Variants in HIVEP2 observed in about 807,000 individuals in gnomAD.
HIVEP2 encodes HIVEP zinc finger 2.
A neutral mutation model predicts 180.7 loss-of-function variants in HIVEP2; 14 were observed. The ratio of observed to expected loss-of-function variants is 0.08; its 90% CI spans 0.05 to 0.12. HIVEP2 has a LOEUF of 0.12. Ranked by LOEUF, HIVEP2 falls within the 10% of genes least tolerant of loss-of-function variation. The pLI, the probability that HIVEP2 is intolerant of heterozygous loss-of-function variation, is 1.00. For synonymous variants in HIVEP2, 1,184 were observed against 1,136.4 expected, an observed-to-expected ratio of 1.04 and a Z score of -0.84; for missense variants, 2,579 against 3,008.5, an observed-to-expected ratio of 0.86 and a Z score of 3.34.
chr6:142,862,482 ATATAATCGATTATATGTAT>A (rs61728792), intron 1 of HIVEP2, among the ~76,000 whole-genome samples: 1 of 138,286 alleles, frequency 7.2e-6, no homozygotes, highest in African/African-American at 2.6e-5. Context: ...TTTATAATAC[ATATAATCGATTATATGTAT>A]CATATATTTT....
intron 2 of HIVEP2, among the ~76,000 whole-genome samples, chr6:142,819,060 A>C: frequency 1.3e-5 from 2 of 149,880 alleles, no homozygotes; most frequent in East Asian, 2.0e-4. Flanking sequence ...GAGGGCGGGA[A>C]GGAGGGAAGG....
chr6:142,800,056 T>C (rs1776368102), intron 2 of HIVEP2, among the ~76,000 whole-genome samples: 2 of 152,264 alleles, frequency 1.3e-5, no homozygotes, highest in South Asian at 4.1e-4. Context: ...GCAGCAAATA[T>C]TTTCCCTTTA....
chr6:142,883,202 G>C (rs1036656757), intron 1 of HIVEP2, among the ~76,000 whole-genome samples: 5 of 152,050 alleles, frequency 3.3e-5, no homozygotes, highest in South Asian at 4.2e-4. Flanking sequence ...AGAGAGAAAG[G>C]GGGGAAAAGC....
intron 4 of HIVEP2, 36 bp from the exon 5 acceptor site, chr6:142,775,161 C>G (rs1775665544): frequency 1.5e-6 from 1 of 649,462 alleles, no homozygotes; most frequent in African/African-American, 2.5e-5. Flanking sequence ...ATTGTCATAA[C>G]AGTTTCAAAT....
In HIVEP2 at chr6:142,862,815, T is replaced by C. The variant is rs1313753611; in HGVS notation, c.-640-25768A>G. Among the ~76,000 whole-genome samples the C allele has an allele frequency of 5.2e-5, 7 of 134,270 alleles. No homozygotes were observed. In the South Asian group the frequency reaches 1.4e-3, roughly 26 times the overall value. The allele number at this position is 134,270 out of a possible 152,430, so 88.1% of individuals were successfully genotyped here. ...ATATAATATATTTAGATATCATATATATTTTTATATAATATATAAATTATA... is the reference window on the plus strand; with the variant it reads ...ATATAATATATTTAGATATCATATACATTTTTATATAATATATAAATTATA... On this transcript the variant is annotated intron_variant, in intron 1 of 9. Transcript: ENST00000367603.
At chr6:142,942,243 A>G (rs1778196594) in intron 1 of HIVEP2, among the ~76,000 whole-genome samples, 1 of 152,176 alleles carries the variant, frequency 6.6e-6, no homozygotes, top group Non-Finnish European at 1.5e-5. Flanking sequence ...AACCCAATAC[A>G]GTGTACAACA....
In HIVEP2 at chr6:142,769,934, T is replaced by C. The variant is rs777472028; in HGVS notation, c.4805A>G (p.Lys1602Arg). The C allele has an allele frequency of 2.5e-6, 4 of 1,613,922 alleles. No homozygotes were observed. Among genetic ancestry groups the C allele is most frequent in the East Asian group, 4.5e-5 (2 of 44,896 alleles). The change falls in exon 5 of 10, where the codon AAG becomes AGG. Residue 1602 changes from lysine to arginine, a missense_variant. Around this residue, in one of 11 missense-constraint regions of HIVEP2, gnomAD observed 349 missense variants for 367.2 expected, o/e 0.95. Coordinates refer to ENST00000367603, the MANE Select transcript of HIVEP2 (RefSeq NM_006734.4). The stretch of plus-strand genomic sequence containing the variant: ...GCGGACCAGCATGCCAACAGGCCGC[T>C]TGTGGCCCTTCCCTTCCTCTTCCAG... ...GQLEEEGKGH[K>R]RPVGMLVRMA... is the part of the protein sequence containing the mutation.
In HIVEP2 at chr6:142,753,332, A is replaced by G. The variant is rs372955463; in HGVS notation, c.7116T>C (p.Phe2372=). 1.6e-4 allele frequency: 251 copies of G among 1,614,054 alleles called. 1 individual carries two copies. Among genetic ancestry groups the G allele is most frequent in the Non-Finnish European group, 1.9e-4 (219 of 1,180,028 alleles). ...LGSAHVSIRH[F]SRPEPGQPCT... is the part of the protein sequence containing the mutation. ...AGGGCTGACCTGGCTCAGGTCTACT[A>G]AAGTGTCTAATGCTAACATGTGCAC... The change falls in exon 10 of 10, where the codon TTT becomes TTC. Residue 2372 remains phenylalanine, a synonymous_variant. Coordinates refer to ENST00000367603, the MANE Select transcript of HIVEP2 (RefSeq NM_006734.4).
intron 5 of HIVEP2, 143 bp from the exon 6 acceptor site, chr6:142,768,679 C>G (rs1775437619): frequency 1.4e-6 from 1 of 699,836 alleles, no homozygotes. Flanking sequence ...ATAAGGACCA[C>G]TAGGGATAAA....
At chr6:142,896,729 C>G (rs1475204247) in intron 1 of HIVEP2, among the ~76,000 whole-genome samples, 1 of 151,976 alleles carries the variant, frequency 6.6e-6, no homozygotes, top group East Asian at 1.9e-4. Context: ...AGTAGTATAC[C>G]TCCTTCTGCC....
At chr6:142,839,847 A>C (rs1236539923) in intron 1 of HIVEP2, among the ~76,000 whole-genome samples, 1 of 152,092 alleles carries the variant, frequency 6.6e-6, no homozygotes, top group African/African-American at 2.4e-5. Context: ...TGACAATGAA[A>C]CTGAAGCCCA....
At chr6:142,777,149 C>A (rs1198764835) in intron 3 of HIVEP2, among the ~76,000 whole-genome samples, 2 of 152,082 alleles carry the variant, frequency 1.3e-5, no homozygotes, top group Non-Finnish European at 2.9e-5. Flanking sequence ...TACACATTGA[C>A]CTAGAAATTC....
intron 2 of HIVEP2, among the ~76,000 whole-genome samples, chr6:142,823,477 TCCAAAGCAGAGAA>T (rs1777097007): frequency 6.6e-6 from 1 of 152,166 alleles, no homozygotes; most frequent in Admixed American, 6.5e-5. Context: ...AGACATCATT[TCCAAAGCAGAGAA>T]GATTCAAGCA....
chr6:142,858,510 G>C (rs1390217306), intron 1 of HIVEP2, among the ~76,000 whole-genome samples: 3 of 152,190 alleles, frequency 2.0e-5, no homozygotes, highest in Admixed American at 2.0e-4. Context: ...TATTTCTTGA[G>C]AATAAATGCC....
intron 9 of HIVEP2, among the ~76,000 whole-genome samples, chr6:142,756,836 T>C (rs1284026490): frequency 1.3e-5 from 2 of 151,990 alleles, no homozygotes; most frequent in East Asian, 1.9e-4. Context: ...TATCTATCTA[T>C]CTATCCGTCC....
intron 1 of HIVEP2, among the ~76,000 whole-genome samples, chr6:142,866,927 T>C (rs1481574920): frequency 6.6e-6 from 1 of 152,170 alleles, no homozygotes; most frequent in Admixed American, 6.5e-5. Flanking sequence ...GCTATAATCT[T>C]CCAGTGGGAA....
At chr6:142,805,396 G>A (rs988270446) in intron 2 of HIVEP2, among the ~76,000 whole-genome samples, 20 of 145,228 alleles carry the variant, frequency 1.4e-4, no homozygotes, top group African/African-American at 4.9e-4. Flanking sequence ...AGAGTATCAT[G>A]GTAATAAGCC....
chr6:142,760,713 AAGG>A, intron 8 of HIVEP2, 46 bp from the exon 9 acceptor site: 1 of 1,349,674 alleles, frequency 7.4e-7, no homozygotes, highest in Non-Finnish European at 1.0e-6. Context: ...TCCAAATATC[AAGG>A]TTAGGATCTT....
At chr6:142,945,483 C>T (rs1156863717), upstream of HIVEP2, among the ~76,000 whole-genome samples, 2 of 152,128 alleles carry the variant, frequency 1.3e-5, no homozygotes, top group East Asian at 1.9e-4. This position sits in a 1 kb window ranked among gnomAD's most constrained non-coding sequence, Gnocchi z 5.5. Context: ...AGCGTCCAGG[C>T]CACTTACCGA....
Sources: gnomAD v4.1 joint callset for allele counts (sites outside exome capture counted in the v4.1 genomes callset) on GRCh38, gnomAD v4.1.1 for gene constraint, gnomAD v4.1.1 regional missense constraint, Gnocchi (gnomAD v3.1) non-coding constraint, MANE v1.5 for transcripts, NCBI Gene and HGNC (gene_info 2026-07-23, HGNC 2026-07-21) for gene names.